VPS26B: variants seen among roughly 807,000 people sequenced by gnomAD.
The protein encoded by VPS26B is vacuolar protein sorting-associated protein 26B.
VPS26B carries 10 observed loss-of-function variants against 33.3 expected under a neutral mutation model. That is an observed-to-expected ratio of 0.30 (90% CI 0.19 to 0.51). The LOEUF is 0.51. Ranked by LOEUF, VPS26B falls within the 20% of genes least tolerant of loss-of-function variation. The pLI is 0.98. For synonymous variants in VPS26B, 190 were observed against 176.9 expected, an observed-to-expected ratio of 1.07 and a Z score of -0.59; for missense variants, 317 against 452.7, an observed-to-expected ratio of 0.70 and a Z score of 2.72.
At chr11:134,241,735 C>G (rs1938728468) in intron 3 of VPS26B, among the ~76,000 whole-genome samples, 1 of 152,250 alleles carries the variant, frequency 6.6e-6, no homozygotes, top group South Asian at 2.1e-4. Context: ...GGGACACTTT[C>G]AGACCACACC....
Position 134,245,408 on chromosome 11 carries a change from C to CT in VPS26B, c.865-35dup. On this transcript the variant is annotated intron_variant, in intron 5 of 5. Coordinates refer to ENST00000281187, the MANE Select transcript of VPS26B (RefSeq NM_052875.5). The surrounding 1 kb of genome is among the most constrained non-coding windows in gnomAD (Gnocchi z 4.7). ...AGGAAACCTGTCCCCATGCCTCCCT[C>CT]TAAGGTGTCACATTGCCCCCCTTTC... 6.2e-7 allele frequency: 1 copy of CT among 1,612,984 alleles called. No individual in the cohort carries two copies. Among genetic ancestry groups the CT allele is most frequent in the South Asian group, 1.1e-5 (1 of 91,042 alleles).
chr11:134,243,616 G>C (rs1286893362), intron 4 of VPS26B: 2 of 279,932 alleles, frequency 7.1e-6, no homozygotes, highest in East Asian at 7.1e-5. Flanking sequence ...AAACGTTTCT[G>C]CTTCTTCCTG....
At chr11:134,225,739 T>C (rs774153350) in intron 1 of VPS26B, among the ~76,000 whole-genome samples, 18 of 152,306 alleles carry the variant, frequency 1.2e-4, no homozygotes, top group African/African-American at 1.2e-4. Flanking sequence ...GCTCTGCCAA[T>C]ACTGGCTTTC....
chr11:134,245,472 T>A lies in VPS26B; in HGVS notation c.893T>A (p.Ile298Asn), dbSNP rs1268037400. Residue 298 changes from isoleucine (I) to asparagine (N), a missense_variant, in exon 6 of 6, where the codon ATC (isoleucine) becomes AAC (asparagine). By Grantham distance (149) the Ile-to-Asn change is moderately radical (BLOSUM62 -3). Coordinates refer to ENST00000281187, the MANE Select transcript of VPS26B (RefSeq NM_052875.5). This position sits in a 1 kb window ranked among gnomAD's most constrained non-coding sequence, Gnocchi z 4.7. Reference protein sequence around the residue: ...QEVVLWRKGDIVRKSMSHQAA... With the variant: ...QEVVLWRKGDNVRKSMSHQAA... ...GTGGTGTTGTGGCGGAAGGGTGACA[T>A]CGTACGGAAGAGCATGTCCCACCAG... 1.9e-6 allele frequency: 3 copies of A among 1,613,796 alleles called. No homozygotes were observed. The highest frequency in any genetic ancestry group is 2.5e-6 in the Non-Finnish European group (3 of 1,179,872).
At chr11:134,230,189 T>A (rs1304242225) in intron 1 of VPS26B, among the ~76,000 whole-genome samples, 1 of 151,636 alleles carries the variant, frequency 6.6e-6, no homozygotes, top group African/African-American at 2.4e-5. Context: ...AAAACTTGTC[T>A]GTCTTTCTTA....
intron 4 of VPS26B, 107 bp downstream of exon 4, chr11:134,243,401 T>A: frequency 7.7e-7 from 1 of 1,298,380 alleles, no homozygotes; most frequent in Non-Finnish European, 1.1e-6. Context: ...GATGTCCTCT[T>A]AACCTGTAAC....
At chr11:134,225,661 T>C (rs1371338796) in intron 1 of VPS26B, among the ~76,000 whole-genome samples, 1 of 152,236 alleles carries the variant, frequency 6.6e-6, no homozygotes, top group Non-Finnish European at 1.5e-5. Flanking sequence ...GCTTTGCTTC[T>C]TGTCCCCAGG....
At chr11:134,229,124 G>A (rs1178533179) in intron 1 of VPS26B, among the ~76,000 whole-genome samples, 3 of 152,050 alleles carry the variant, frequency 2.0e-5, no homozygotes, top group Non-Finnish European at 4.4e-5. Flanking sequence ...CAACCCCCTG[G>A]GCTCAAGCAA....
intron 2 of VPS26B, among the ~76,000 whole-genome samples, chr11:134,239,433 T>A (rs901290601): frequency 2.6e-5 from 4 of 152,256 alleles, no homozygotes; most frequent in Non-Finnish European, 5.9e-5. Flanking sequence ...AGTAAATGTT[T>A]GTGGAATGAA....
At chr11:134,234,823 C>A in intron 1 of VPS26B, 74 bp from the exon 2 acceptor site, 1 of 1,559,650 alleles carries the variant, frequency 6.4e-7, no homozygotes, top group Non-Finnish European at 8.7e-7. Context: ...AGCCTACAGC[C>A]TCCAGCCCCC....
chr11:134,247,720 GT>G lies in VPS26B; in HGVS notation c.*2133del, dbSNP rs1430324640. On this transcript the variant is annotated 3_prime_UTR_variant, in exon 6 of 6. Coordinates refer to ENST00000281187, the MANE Select transcript of VPS26B (RefSeq NM_052875.5). ...TCAATGGCTGTATTAAAAGAAGAAC[GT>G]TTGTTTTAATGGTCTTTCTGATTAA... 1 of 154,242 alleles carries G rather than the reference GT, an allele frequency of 6.5e-6. No homozygotes were observed. Among genetic ancestry groups the G allele is most frequent in the Non-Finnish European group, 1.4e-5 (1 of 69,168 alleles). 9.6% of individuals were successfully genotyped at this position (154,242 alleles called of 1,614,324 possible). A position where few individuals can be genotyped will look rare whatever the true frequency, so the allele number is the denominator to read the frequency against.
chr11:134,244,940 G>C lies in VPS26B; in HGVS notation c.724G>C (p.Glu242Gln), dbSNP rs1420035360. Residue 242 changes from glutamate (E) to glutamine (Q), a missense_variant and splice_region_variant, in exon 5 of 6, where the codon GAG becomes CAG. Physicochemically the swap from Glu to Gln is conservative, Grantham distance 29. Coordinates refer to ENST00000281187, the MANE Select transcript of VPS26B (RefSeq NM_052875.5). The surrounding 1 kb of genome is among the most constrained non-coding windows in gnomAD (Gnocchi z 4.0). ...TGACTCCTGCCCTCCCCCTACAGGA[G>C]AGTCCATCCCGATCCGGCTCTTCCT... ...EIMDGAPVRG[E>Q]SIPIRLFLAG... 1 of 1,612,834 alleles carries C rather than the reference G, an allele frequency of 6.2e-7. No homozygotes were observed. The highest frequency in any genetic ancestry group is 8.5e-7 in the Non-Finnish European group (1 of 1,179,980).
At chr11:134,232,386 T>C (rs1455718144) in intron 1 of VPS26B, among the ~76,000 whole-genome samples, 1 of 152,206 alleles carries the variant, frequency 6.6e-6, no homozygotes, top group African/African-American at 2.4e-5. Context: ...TTTGCAGAAG[T>C]ATTGCAGATG....
chr11:134,239,340 A>G lies in VPS26B; in HGVS notation c.381-651A>G, dbSNP rs146692657. Among the ~76,000 whole-genome samples the G allele has an allele frequency of 2.0e-5, 3 of 152,030 alleles. No individual in the cohort carries two copies. The South Asian group carries it at 6.2e-4, about 32-fold the overall frequency. ...CCTTTCCGTGTGTTCCCATTTCTCT[A>G]TTTGCCCATCTCCCCCGGTGAACTG... On this transcript the variant is annotated intron_variant, in intron 2 of 5. Coordinates refer to ENST00000281187, the MANE Select transcript of VPS26B (RefSeq NM_052875.5).
At chr11:134,226,780 G>A (rs1393531434) in intron 1 of VPS26B, among the ~76,000 whole-genome samples, 1 of 152,182 alleles carries the variant, frequency 6.6e-6, no homozygotes. Flanking sequence ...GGAGACACAG[G>A]TAGGAGAAAC....
chr11:134,245,703 C>A lies in VPS26B; in HGVS notation c.*113C>A. 7.6e-7 allele frequency: 1 copy of A among 1,320,848 alleles called. No individual in the cohort carries two copies. Among genetic ancestry groups the A allele is most frequent in the East Asian group, 2.5e-5 (1 of 39,324 alleles). 81.8% of individuals were successfully genotyped at this position (1,320,848 alleles called of 1,614,324 possible). Reference sequence around the variant, plus strand: ...GGCTCAGTTGACCCGTTACTTGCAACCTGAAAACAAATCATGTTTTTGACT... The same window carrying A: ...GGCTCAGTTGACCCGTTACTTGCAAACTGAAAACAAATCATGTTTTTGACT... On this transcript the variant is annotated 3_prime_UTR_variant, in exon 6 of 6. Transcript: ENST00000281187. The surrounding 1 kb of genome is among the most constrained non-coding windows in gnomAD (Gnocchi z 4.7).
intron 2 of VPS26B, among the ~76,000 whole-genome samples, chr11:134,239,340 A>C (rs146692657): frequency 3.8e-4 from 58 of 152,030 alleles, no homozygotes; most frequent in African/African-American, 1.4e-3. Flanking sequence ...CCATTTCTCT[A>C]TTTGCCCATC....
At chr11:134,235,274 A>G (rs1207396407) in intron 2 of VPS26B, 1 of 453,776 alleles carries the variant, frequency 2.2e-6, no homozygotes, top group Non-Finnish European at 3.8e-6. Context: ...TAGCCCCGCC[A>G]TGGCCAATTT....
intron 2 of VPS26B, chr11:134,235,665 C>T (rs1938620854): frequency 6.6e-6 from 1 of 152,150 alleles, no homozygotes; most frequent in Non-Finnish European, 1.5e-5. Flanking sequence ...GACTTGGATT[C>T]TAATTCTAGA....
Sources: gnomAD v4.1 joint callset for allele counts (sites outside exome capture counted in the v4.1 genomes callset) on GRCh38, gnomAD v4.1.1 for gene constraint, Gnocchi (gnomAD v3.1) non-coding constraint, MANE v1.5 for transcripts, NCBI Gene and HGNC (gene_info 2026-07-23, HGNC 2026-07-21) for gene names.